The following PIKFYVE variants were observed in gnomAD, a reference collection of about 807,000 sequenced individuals.
PIKFYVE encodes the protein phosphoinositide kinase, FYVE-type zinc finger containing.
PIKFYVE carries 122 observed loss-of-function variants against 257.9 expected under a neutral mutation model. The ratio of observed to expected loss-of-function variants is 0.47; its 90% CI spans 0.41 to 0.55. PIKFYVE has a LOEUF of 0.55. PIKFYVE is among the 20% of genes least tolerant of loss of function. The pLI, the probability that PIKFYVE is intolerant of heterozygous loss-of-function variation, is 0.00. For synonymous variants in PIKFYVE, 892 were observed against 868.9 expected (o/e 1.03, Z -0.47); for missense variants, 2,160 against 2,536.6 (o/e 0.85, Z 3.19).
In PIKFYVE at chr2:208,325,629, G is replaced by A; in HGVS notation, c.2818G>A (p.Glu940Lys). Residue 940 changes from glutamate (E) to lysine (K), a missense_variant, in exon 20 of 42, where the codon GAG becomes AAG. This residue lies in a region of PIKFYVE where 522 missense variants were observed against 514.6 expected (regional missense o/e 1.01). Coordinates refer to ENST00000264380, the MANE Select transcript of PIKFYVE (RefSeq NM_015040.4). ...ATTGAGGATTGTGTTTGAGAAGGGTGAGCAGGAAAATAAAAATCTTCCGCA... is the reference window on the plus strand; with the variant it reads ...ATTGAGGATTGTGTTTGAGAAGGGTAAGCAGGAAAATAAAAATCTTCCGCA... Reference protein sequence around the residue: ...LELRIVFEKGEQENKNLPQAV... With the variant: ...LELRIVFEKGKQENKNLPQAV... The A allele has an allele frequency of 6.2e-7, 1 of 1,614,134 alleles. No individual in the cohort carries two copies. Among genetic ancestry groups the A allele is most frequent in the Non-Finnish European group, 8.5e-7 (1 of 1,180,020 alleles).
chr2:208,332,321 A>G (rs1697637089), intron 23 of PIKFYVE, among the ~76,000 whole-genome samples: 1 of 152,196 alleles, frequency 6.6e-6, no homozygotes, highest in African/African-American at 2.4e-5. Context: ...AGGATTGGGT[A>G]AGAAAGTGGG....
chr2:208,340,161 G>GC, intron 31 of PIKFYVE, 30 bp downstream of exon 31: 1 of 1,612,078 alleles, frequency 6.2e-7, no homozygotes, highest in Non-Finnish European at 8.5e-7. Flanking sequence ...GTGGCTCTTA[G>GC]CAGGGGGGTT....
intron 12 of PIKFYVE, among the ~76,000 whole-genome samples, chr2:208,310,279 T>C (rs1044855048): frequency 1.3e-5 from 2 of 152,200 alleles, no homozygotes; most frequent in East Asian, 3.8e-4. Context: ...TACATTGAAA[T>C]TAAAGGTAGT....
At chr2:208,281,980 T>C (rs1690876220) in intron 5 of PIKFYVE, among the ~76,000 whole-genome samples, 1 of 152,248 alleles carries the variant, frequency 6.6e-6, no homozygotes, top group African/African-American at 2.4e-5. Context: ...ATTTATACAG[T>C]TCTTGAGCTG....
chr2:208,337,463 GATATAT>G (rs545321278), intron 28 of PIKFYVE, among the ~76,000 whole-genome samples: 1 of 151,608 alleles, frequency 6.6e-6, no homozygotes, highest in East Asian at 1.9e-4. Flanking sequence ...CATCTATATA[GATATAT>G]ATAGATATAA....
chr2:208,300,888 A>G, intron 8 of PIKFYVE, 49 bp from the exon 9 acceptor site: 1 of 1,608,310 alleles, frequency 6.2e-7, no homozygotes, highest in East Asian at 2.2e-5. Context: ...CTGAAAAGGT[A>G]TATAGCATTT....
chr2:208,304,150 A>G (rs746304782), intron 10 of PIKFYVE, 21 bp from the exon 11 acceptor site: 2 of 1,613,734 alleles, frequency 1.2e-6, no homozygotes, highest in Non-Finnish European at 1.7e-6. Context: ...AATTGCTTGG[A>G]TCCTGTCTTC....
chr2:208,351,320 T>C (rs753904683), intron 37 of PIKFYVE, 32 bp from the exon 38 acceptor site: 8 of 1,425,960 alleles, frequency 5.6e-6, no homozygotes, highest in Non-Finnish European at 6.9e-6. Flanking sequence ...TATATTGTGA[T>C]TGAGTAAACA....
At chr2:208,340,317 A>G (rs1574712329) in intron 31 of PIKFYVE, among the ~76,000 whole-genome samples, 186 bp downstream of exon 31, 1 of 152,240 alleles carries the variant, frequency 6.6e-6, no homozygotes, top group South Asian at 2.1e-4. Context: ...GATATAGTAG[A>G]TGAGTGGATA....
rs1173296905 is a variant in PIKFYVE, at chr2:208,314,361, T to C, written c.1764T>C (p.His588=). ...KELPFTPLGW[H]HNNLELLREE... ...TGCCTTTCACACCTTTGGGCTGGCATCATAACAACCTGGAGCTCCTGAGGG... is the reference window on the plus strand; with the variant it reads ...TGCCTTTCACACCTTTGGGCTGGCACCATAACAACCTGGAGCTCCTGAGGG... The change falls in exon 14 of 42, where the codon CAT becomes CAC. Residue 588 remains histidine (H), a synonymous_variant. Coordinates refer to ENST00000264380, the MANE Select transcript of PIKFYVE (RefSeq NM_015040.4). 6.2e-7 allele frequency: 1 copy of C among 1,613,990 alleles called. No individual in the cohort carries two copies. Among genetic ancestry groups the C allele is most frequent in the East Asian group, 2.2e-5 (1 of 44,860 alleles).
At chr2:208,269,086 C>T (rs1221125836) in intron 1 of PIKFYVE, among the ~76,000 whole-genome samples, 1 of 152,006 alleles carries the variant, frequency 6.6e-6, no homozygotes, top group East Asian at 1.9e-4. Context: ...ATAAAGCCAG[C>T]TGTGTGTGCC....
chr2:208,346,461 T>A (rs1191684920), intron 34 of PIKFYVE, among the ~76,000 whole-genome samples: 2 of 152,196 alleles, frequency 1.3e-5, no homozygotes, highest in South Asian at 4.1e-4. Context: ...GCAAGATACG[T>A]TTTTTTCCTT....
At chr2:208,301,150 T>G in intron 9 of PIKFYVE, 56 bp downstream of exon 9, 4 of 1,586,476 alleles carry the variant, frequency 2.5e-6, no homozygotes, top group Non-Finnish European at 3.5e-6. Context: ...TGAGAAAACA[T>G]ATTTGAAGAT....
At chr2:208,338,470 A>G in intron 28 of PIKFYVE, 38 bp from the exon 29 acceptor site, 11 of 1,597,394 alleles carry the variant, frequency 6.9e-6, no homozygotes, top group Non-Finnish European at 6.9e-6. Context: ...TGTGATTTTC[A>G]TGTTTTCCAT....
chr2:208,277,392 C>A, intron 4 of PIKFYVE, 145 bp from the exon 5 acceptor site: 1 of 813,248 alleles, frequency 1.2e-6, no homozygotes, highest in Non-Finnish European at 2.0e-6. Flanking sequence ...TCAAGATTGT[C>A]TTGGTTATTT....
Position 208,285,732 on chromosome 2 carries a change from T to G in PIKFYVE, c.620T>G (p.Leu207Arg). 1.2e-6 allele frequency: 2 copies of G among 1,613,556 alleles called. No homozygotes were observed. The change falls in exon 6 of 42, where the codon CTC becomes CGC. Residue 207 changes from leucine (L) to arginine (R), a missense_variant. This residue lies in a region of PIKFYVE where 187 missense variants were observed against 185.6 expected (regional missense o/e 1.01). Transcript: ENST00000264380. ...TTTTGTTTTTTTCTCCTAGGAGACC[T>G]CCGAGCTTGCACATATTGTAGAAAA... ...PGKFMGYTGD[L>R]RACTYCRKIA...
chr2:208,349,934 T>G lies in PIKFYVE; in HGVS notation c.5375-90T>G, dbSNP rs555432963. 12 of 1,559,660 alleles carry G rather than the reference T, an allele frequency of 7.7e-6. No homozygotes were observed. The South Asian group carries it at 1.4e-4, about 19-fold the overall frequency. On this transcript the variant is annotated intron_variant, in intron 35 of 41. Coordinates refer to ENST00000264380, the MANE Select transcript of PIKFYVE (RefSeq NM_015040.4). ...TATTTTTACTTTTAATTTGCTAAGT[T>G]TTTTTGTTACATCAAGGAAAAAGGA...
intron 34 of PIKFYVE, among the ~76,000 whole-genome samples, chr2:208,347,176 T>C (rs550441703): frequency 1.3e-5 from 2 of 152,374 alleles, no homozygotes; most frequent in South Asian, 2.1e-4. Context: ...TACTAGTGTC[T>C]GTTACCCAAG....
chr2:208,320,283 TTC>T lies in PIKFYVE; in HGVS notation c.2116_2117del (p.Leu706ValfsTer6). 1 of 1,611,772 alleles carries T rather than the reference TTC, an allele frequency of 6.2e-7. No homozygotes were observed. Among genetic ancestry groups the T allele is most frequent in the Non-Finnish European group, 8.5e-7 (1 of 1,178,618 alleles). ...TCTTGTATTAAAAACCCCAAAATTC[TTC>T]TGTTGAAGTGTTCCATTGAGTATCT... On this transcript the variant is annotated frameshift_variant, in exon 17 of 42. Transcript: ENST00000264380. LOFTEE classifies it high-confidence loss of function.
Sources: gnomAD v4.1 joint callset for allele counts (sites outside exome capture counted in the v4.1 genomes callset) on GRCh38, gnomAD v4.1.1 for gene constraint, gnomAD v4.1.1 regional missense constraint, MANE v1.5 for transcripts, NCBI Gene and HGNC (gene_info 2026-07-23, HGNC 2026-07-21) for gene names.